The following MBP variants were observed in gnomAD, a reference collection of about 807,000 sequenced individuals.
MBP encodes the protein myelin basic protein.
A neutral mutation model predicts 35.8 loss-of-function variants in MBP; 16 were observed. The ratio of observed to expected loss-of-function variants is 0.45; its 90% confidence interval spans 0.30 to 0.68. MBP has a LOEUF of 0.68. Among genes scored for constraint, MBP ranks in the 30% least tolerant of loss-of-function variants. The probability of loss-of-function intolerance (pLI) is 0.08; values close to 1 mark genes in which losing one functional copy is unlikely to be tolerated. For missense variants in MBP, 380 were observed against 404.7 expected, an observed-to-expected ratio of 0.94 and a Z score of 0.52; for synonymous variants, 143 against 159.6, an observed-to-expected ratio of 0.90 and a Z score of 0.78.
chr18:77,076,694 G>A (rs1974664980), intron 2 of MBP, among the ~76,000 whole-genome samples: 1 of 152,120 alleles, frequency 6.6e-6, no homozygotes, highest in Admixed American at 6.5e-5. Flanking sequence ...ATATATTGGT[G>A]ACCACTCAAG....
At chr18:77,015,242 T>A (rs1485678125) in intron 4 of MBP, 1 of 984,244 alleles carries the variant, frequency 1.0e-6, no homozygotes, top group African/African-American at 1.7e-5. Context: ...AGTGATTTCA[T>A]CTTTTCTGCA....
In MBP at chr18:77,072,510, C is replaced by T. The variant is rs899647312; in HGVS notation, c.52-6125G>A. Among the ~76,000 whole-genome samples the T allele has an allele frequency of 2.4e-4, 37 of 152,164 alleles. 1 individual carries two copies. The highest frequency in any genetic ancestry group is 7.5e-4 in the African/African-American group (31 of 41,424). On this transcript the variant is annotated intron_variant, in intron 2 of 8. Transcript: ENST00000355994. ...ACTGAGTTTTCTGTACCTGTTTGCT[C>T]AGCTTTAAAATGAACATTATAATCA...
intron 3 of MBP, among the ~76,000 whole-genome samples, chr18:77,019,643 G>A (rs1226042818): frequency 6.6e-6 from 1 of 152,214 alleles, no homozygotes. Context: ...TGTCTTGGCA[G>A]CCCCAACTCA....
At chr18:77,042,265 G>C (rs1300151553) in intron 3 of MBP, among the ~76,000 whole-genome samples, 1 of 152,142 alleles carries the variant, frequency 6.6e-6, no homozygotes, top group Non-Finnish European at 1.5e-5. Context: ...CTGAAAACCT[G>C]GAAAACCTCC....
intron 3 of MBP, among the ~76,000 whole-genome samples, chr18:77,059,158 G>C (rs1973864115): frequency 6.6e-6 from 1 of 152,236 alleles, no homozygotes; most frequent in African/African-American, 2.4e-5. Flanking sequence ...AGTGCCAACT[G>C]TAGCATGGTT....
chr18:77,039,341 C>T (rs766778145), intron 3 of MBP, among the ~76,000 whole-genome samples: 23 of 152,280 alleles, frequency 1.5e-4, no homozygotes, highest in Non-Finnish European at 2.2e-4. Context: ...TGACAGTTAA[C>T]GCAACACAAC....
At chr18:76,995,597 G>A (rs1490082961) in intron 4 of MBP, among the ~76,000 whole-genome samples, 1 of 151,976 alleles carries the variant, frequency 6.6e-6, no homozygotes, top group African/African-American at 2.4e-5. Context: ...TCAACAAACA[G>A]CATTGAAGCA....
chr18:77,108,337 G>C (rs1976343058), intron 1 of MBP: 1 of 152,182 alleles, frequency 6.6e-6, no homozygotes, highest in African/African-American at 2.4e-5. Flanking sequence ...AGAAAAATTG[G>C]GTAAACATGT....
Position 77,114,551 on chromosome 18 carries a change from A to C in MBP, c.-25-9265T>G, listed in dbSNP as rs1599266382. On this transcript the variant is annotated intron_variant, in intron 1 of 8. Transcript: ENST00000355994. ...AGGCATGGTGTTCAGCTTTAGCAGC[A>C]TTATGGGGAGTTACGAAATTCTCTG... The C allele has an allele frequency of 2.0e-5, 3 of 152,254 alleles. No individual in the cohort carries two copies. The East Asian group carries it at 5.8e-4, about 29-fold the overall frequency. 9.4% of individuals were successfully genotyped at this position (152,254 alleles called of 1,614,324 possible).
At position 76,988,963 on chromosome 18, in the gene MBP, TC is replaced by T; in HGVS notation, c.682-52del. On this transcript the variant is annotated intron_variant, in intron 5 of 8. Transcript: ENST00000355994. This position sits in a 1 kb window ranked among gnomAD's most constrained non-coding sequence, Gnocchi z 5.2. ...CTGCACTGGGAGCCCTGTGCCGCCGTCCATTTCCTAACGGGCTCCTGCCTGC... is the reference window on the plus strand; with the variant it reads ...CTGCACTGGGAGCCCTGTGCCGCCGTCATTTCCTAACGGGCTCCTGCCTGC... 3 of 1,586,948 alleles carry T rather than the reference TC, an allele frequency of 1.9e-6. No homozygotes were observed. Among genetic ancestry groups the T allele is most frequent in the Non-Finnish European group, 2.6e-6 (3 of 1,155,414 alleles).
At position 76,988,038 on chromosome 18, in the gene MBP, C is replaced by G; in HGVS notation, c.750+457G>C. On this transcript the variant is annotated intron_variant, in intron 7 of 8. Coordinates refer to ENST00000355994, the MANE Select transcript of MBP (RefSeq NM_001025101.2). The surrounding 1 kb of genome is among the most constrained non-coding windows in gnomAD (Gnocchi z 5.2). The stretch of plus-strand genomic sequence containing the variant: ...TTATAAATCGAGCAACTCTATTTAG[C>G]CTCTTTTTCTGTTCATCAGCAGAAT... 7.1e-7 allele frequency: 1 copy of G among 1,400,078 alleles called. No individual in the cohort carries two copies. The highest frequency in any genetic ancestry group is 9.3e-7 in the Non-Finnish European group (1 of 1,076,678). The allele number at this position is 1,400,078 out of a possible 1,614,324, so 86.7% of individuals were successfully genotyped here. A position where few individuals can be genotyped will look rare whatever the true frequency, so the allele number is the denominator to read the frequency against.
At chr18:77,013,009 A>G in intron 4 of MBP, 1 of 985,460 alleles carries the variant, frequency 1.0e-6, no homozygotes, top group Non-Finnish European at 1.2e-6. Flanking sequence ...TATTCATACA[A>G]CAGCAACAAC....
intron 3 of MBP, among the ~76,000 whole-genome samples, chr18:77,057,524 G>A (rs1229401351): frequency 6.6e-6 from 1 of 152,160 alleles, no homozygotes; most frequent in Non-Finnish European, 1.5e-5. Flanking sequence ...CGGAAAGGCC[G>A]TGCAGTGATT....
intron 1 of MBP, among the ~76,000 whole-genome samples, chr18:77,124,221 C>T (rs1976973369): frequency 6.6e-6 from 1 of 152,196 alleles, no homozygotes; most frequent in Admixed American, 6.5e-5. Flanking sequence ...CATGTTCTAT[C>T]TCCTCTTTAT....
chr18:77,013,128 T>C (rs1971442372), intron 4 of MBP: 1 of 985,432 alleles, frequency 1.0e-6, no homozygotes, highest in Non-Finnish European at 1.2e-6. Flanking sequence ...GGAATGCCTA[T>C]AAGAAATCTC....
chr18:77,105,433 C>T (rs183223173), intron 1 of MBP, 147 bp from the exon 2 acceptor site: 13 of 537,260 alleles, frequency 2.4e-5, no homozygotes, highest in Admixed American at 8.6e-5. Context: ...AGAAGAGACA[C>T]GTCCAAGTCA....
At chr18:77,119,470 A>C (rs188855906) in intron 1 of MBP, among the ~76,000 whole-genome samples, 13 of 152,286 alleles carry the variant, frequency 8.5e-5, no homozygotes, top group African/African-American at 3.1e-4. Context: ...TGGTAGGTAC[A>C]TGACACACAG....
intron 2 of MBP, among the ~76,000 whole-genome samples, chr18:77,098,910 A>AC (rs969442730): frequency 6.8e-6 from 1 of 147,562 alleles, no homozygotes; most frequent in Non-Finnish European, 1.5e-5. Context: ...CTGACCCACT[A>AC]CCCCCTCCCC....
intron 4 of MBP, chr18:76,990,932 A>G: frequency 3.4e-6 from 1 of 289,972 alleles, no homozygotes; most frequent in Non-Finnish European, 7.1e-6. Context: ...TGAACAAGCA[A>G]ATAGAGGGGA....
Sources: allele counts gnomAD v4.1 joint callset (sites outside exome capture counted in the v4.1 genomes callset), GRCh38; gene constraint gnomAD v4.1.1; non-coding constraint Gnocchi (gnomAD v3.1); transcripts MANE v1.5; gene names NCBI Gene and HGNC (gene_info 2026-07-23, HGNC 2026-07-21).